NINJ2: variants seen among roughly 807,000 people sequenced by gnomAD.
NINJ2 encodes ninjurin-2.
A neutral mutation model predicts 11.7 loss-of-function variants in NINJ2; 12 were observed. That is an observed-to-expected ratio of 1.02 (90% CI 0.66 to 1.66). NINJ2 has a LOEUF of 1.66. Among genes scored for constraint, NINJ2 ranks in the 40% most tolerant of loss-of-function variants. The pLI, the probability that NINJ2 is intolerant of heterozygous loss-of-function variation, is 0.00. For missense variants in NINJ2, 187 were observed against 181.8 expected (o/e 1.03, Z -0.16); for synonymous variants, 93 against 76.8 (o/e 1.21, Z -1.10).
chr12:624,618 G>C lies in NINJ2; in HGVS notation c.33+38710C>G, dbSNP rs145492936. Among the ~76,000 whole-genome samples, 712 of 152,204 alleles carry C rather than the reference G, an allele frequency of 4.7e-3. 32 individuals carry two copies. In the East Asian group the frequency reaches 0.1, roughly 22 times the overall value. On this transcript the variant is annotated intron_variant, in intron 1 of 3. Transcript: ENST00000305108. ...AGGTCAGCAGTTCAAGACCAGCCTGGCCAACATGGTGAAACCCTGTCTCTA... is the reference window on the plus strand; with the variant it reads ...AGGTCAGCAGTTCAAGACCAGCCTGCCCAACATGGTGAAACCCTGTCTCTA...
At position 565,357 on chromosome 12, in the gene NINJ2, G is replaced by A; in HGVS notation, c.307C>T (p.Gln103Ter). The A allele has an allele frequency of 6.2e-7, 1 of 1,614,200 alleles. No homozygotes were observed. Residue 103 changes from glutamine (Q) to a stop codon, truncating the protein, a stop_gained, in exon 3 of 4, where the codon CAG becomes TAG. Coordinates refer to ENST00000305108, the MANE Select transcript of NINJ2 (RefSeq NM_016533.6). LOFTEE classifies it high-confidence loss of function. ...AAGATGGTGGCTGCGTTGTTGAGCT[G>A]GTTGAGTCGCCACTGCTTTTCTACC... is the stretch of plus-strand genomic sequence containing the variant. The part of the protein sequence containing the change: ...NEVEKQWRLN[Q>*]LNNAATILVF...
intron 1 of NINJ2, chr12:643,340 G>C (rs890651527): frequency 2.9e-6 from 2 of 700,644 alleles, no homozygotes; most frequent in African/African-American, 3.9e-5. Flanking sequence ...CCCGCGCCGG[G>C]TGGGGAGGGG....
chr12:593,562 A>G (rs1947743172), intron 1 of NINJ2, among the ~76,000 whole-genome samples: 1 of 152,168 alleles, frequency 6.6e-6, no homozygotes, highest in Non-Finnish European at 1.5e-5. Context: ...TACAAAAAAT[A>G]AAATTAGCCA....
chr12:649,273 C>G (rs561318284), intron 1 of NINJ2, among the ~76,000 whole-genome samples: 1 of 152,124 alleles, frequency 6.6e-6, no homozygotes, highest in South Asian at 2.1e-4. Flanking sequence ...TCTCAAACTC[C>G]TGACCTCAGG....
At chr12:592,471 C>T (rs1947729619) in intron 1 of NINJ2, among the ~76,000 whole-genome samples, 2 of 152,214 alleles carry the variant, frequency 1.3e-5, no homozygotes, top group African/African-American at 2.4e-5. Context: ...GAAGTCGAGG[C>T]TGGCGGATCA....
intron 1 of NINJ2, among the ~76,000 whole-genome samples, chr12:598,274 T>A (rs1410674385): frequency 6.6e-6 from 1 of 152,236 alleles, no homozygotes; most frequent in East Asian, 1.9e-4. Context: ...GACCTCCCCC[T>A]GGGCACCGAG....
intron 1 of NINJ2, among the ~76,000 whole-genome samples, chr12:586,916 T>C (rs1224778683): frequency 6.6e-6 from 1 of 152,114 alleles, no homozygotes; most frequent in South Asian, 2.1e-4. Flanking sequence ...TCTGGTATTG[T>C]GGAATGGAGT....
At chr12:638,798 C>T (rs1385442915) in intron 1 of NINJ2, among the ~76,000 whole-genome samples, 1 of 152,152 alleles carries the variant, frequency 6.6e-6, no homozygotes, top group Non-Finnish European at 1.5e-5. Flanking sequence ...TTCTTGAATT[C>T]CCCCACAAAA....
chr12:639,934 G>A (rs914482240), intron 1 of NINJ2, among the ~76,000 whole-genome samples: 11 of 152,218 alleles, frequency 7.2e-5, no homozygotes, highest in Admixed American at 5.9e-4. Context: ...TTCAAAGGCC[G>A]AAGGAATGAA....
intron 1 of NINJ2, among the ~76,000 whole-genome samples, chr12:610,065 C>T (rs898412665): frequency 3.3e-5 from 5 of 152,186 alleles, no homozygotes; most frequent in Non-Finnish European, 7.3e-5. Flanking sequence ...CTTTCCACTC[C>T]CAGCTGTCCT....
At chr12:627,860 G>A (rs185322320) in intron 1 of NINJ2, among the ~76,000 whole-genome samples, 32 of 152,346 alleles carry the variant, frequency 2.1e-4, no homozygotes, top group African/African-American at 7.2e-4. Context: ...AGGAGAACCC[G>A]GGAAGTGGAG....
chr12:566,329 TGAA>T, intron 1 of NINJ2, 151 bp from the exon 2 acceptor site: 2 of 648,674 alleles, frequency 3.1e-6, no homozygotes, highest in Non-Finnish European at 5.3e-6. Flanking sequence ...CCTGATAAAA[TGAA>T]GGGTTGGACG....
chr12:639,221 T>A (rs991343075), intron 1 of NINJ2, among the ~76,000 whole-genome samples: 2 of 152,160 alleles, frequency 1.3e-5, no homozygotes, highest in African/African-American at 4.8e-5. Flanking sequence ...GTAGTTAATG[T>A]TAAATAAATG....
chr12:655,386 A>G (rs575923280), intron 1 of NINJ2, among the ~76,000 whole-genome samples: 54 of 152,322 alleles, frequency 3.5e-4, no homozygotes, highest in African/African-American at 1.1e-3. Flanking sequence ...CTGACCAAAA[A>G]TCTGCTGGAA....
At chr12:604,937 C>T (rs1166527759) in intron 1 of NINJ2, among the ~76,000 whole-genome samples, 2 of 152,206 alleles carry the variant, frequency 1.3e-5, no homozygotes, top group African/African-American at 4.8e-5. Context: ...GGTTTAGGTC[C>T]ACAAACTGTT....
intron 1 of NINJ2, among the ~76,000 whole-genome samples, chr12:610,895 G>C (rs979955425): frequency 6.6e-6 from 1 of 151,856 alleles, no homozygotes; most frequent in Non-Finnish European, 1.5e-5. Context: ...CACCATACCT[G>C]GCTAATTTTT....
intron 1 of NINJ2, among the ~76,000 whole-genome samples, chr12:567,242 T>G (rs1947313200): frequency 6.7e-6 from 1 of 148,410 alleles, no homozygotes; most frequent in African/African-American, 2.5e-5. Context: ...GAGAGACGGA[T>G]GGATTGAAGG....
At chr12:616,686 T>G (rs1384080995) in intron 1 of NINJ2, among the ~76,000 whole-genome samples, 3 of 152,236 alleles carry the variant, frequency 2.0e-5, no homozygotes. Context: ...ACTTATAAAT[T>G]AGAAGCAAGA....
At chr12:599,807 C>T (rs187149043) in intron 1 of NINJ2, among the ~76,000 whole-genome samples, 52 of 152,314 alleles carry the variant, frequency 3.4e-4, no homozygotes, top group East Asian at 2.7e-3. Flanking sequence ...CACCCCAGCA[C>T]GCCCGGGGGG....
Sources: gnomAD v4.1 joint callset for allele counts (sites outside exome capture counted in the v4.1 genomes callset) on GRCh38, gnomAD v4.1.1 for gene constraint, MANE v1.5 for transcripts, NCBI Gene and HGNC (gene_info 2026-07-23, HGNC 2026-07-21) for gene names.